C16orf87: variants seen among roughly 807,000 people sequenced by gnomAD.
C16orf87 encodes the protein UPF0547 protein C16orf87.
Under a neutral mutation model 21.0 loss-of-function variants are expected in C16orf87, and 13 were observed. The observed-to-expected ratio is 0.62, with a 90% CI of 0.40 to 0.98. C16orf87 has a LOEUF of 0.98. C16orf87 is among the 50% of genes least tolerant of loss of function. The pLI is 0.00. For synonymous variants in C16orf87, 49 were observed against 60.2 expected (o/e 0.81, Z 0.86); for missense variants, 113 against 180.4 (o/e 0.63, Z 2.14).
chr16:46,828,459 A>G (rs1009900878), intron 1 of C16orf87, among the ~76,000 whole-genome samples: 1 of 152,212 alleles, frequency 6.6e-6, no homozygotes, highest in African/African-American at 2.4e-5. Context: ...GCACTGATGC[A>G]CACAAAATGG....
At chr16:46,827,444 T>C (rs1211755655) in intron 1 of C16orf87, among the ~76,000 whole-genome samples, 1 of 152,220 alleles carries the variant, frequency 6.6e-6, no homozygotes, top group African/African-American at 2.4e-5. Flanking sequence ...ATTCTAATAT[T>C]ACACTTTCAG....
At chr16:46,805,516 G>T (rs1596805049) in intron 3 of C16orf87, among the ~76,000 whole-genome samples, 2 of 152,236 alleles carry the variant, frequency 1.3e-5, no homozygotes, top group African/African-American at 4.8e-5. Flanking sequence ...TTTTGCTAAA[G>T]ATATTAATAG....
chr16:46,811,907 A>C (rs1968096817), intron 2 of C16orf87, among the ~76,000 whole-genome samples: 1 of 152,148 alleles, frequency 6.6e-6, no homozygotes, highest in Non-Finnish European at 1.5e-5. Flanking sequence ...TGGGCCACAT[A>C]GCAAGACCCT....
chr16:46,808,188 G>A (rs982164443), intron 3 of C16orf87: 2 of 433,986 alleles, frequency 4.6e-6, no homozygotes, highest in African/African-American at 4.1e-5. Context: ...CTCTGGAAGA[G>A]CATAATAGAA....
intron 1 of C16orf87, among the ~76,000 whole-genome samples, chr16:46,826,666 T>C (rs1374625816): frequency 6.6e-5 from 10 of 152,116 alleles, no homozygotes; most frequent in Admixed American, 4.6e-4. Flanking sequence ...TCCCTTCAAA[T>C]CACGACAAAA....
rs1016497576 is a variant in C16orf87, at chr16:46,799,279, T to C, written c.*3673A>G. Reference sequence around the variant, plus strand: ...GTTAAGGCAGCACAAAAGAATAATTTAAAAAAATAGTTCCCTAGAAAATAG... The same window carrying C: ...GTTAAGGCAGCACAAAAGAATAATTCAAAAAAATAGTTCCCTAGAAAATAG... On this transcript the variant is annotated 3_prime_UTR_variant, in exon 4 of 4. Coordinates refer to ENST00000285697, the MANE Select transcript of C16orf87 (RefSeq NM_001001436.4). The C allele has an allele frequency of 6.6e-6, 1 of 151,940 alleles. No homozygotes were observed. The highest frequency in any genetic ancestry group is 1.5e-5 in the Non-Finnish European group (1 of 67,992). The allele number at this position is 151,940 out of a possible 1,614,324, so 9.4% of individuals were successfully genotyped here. A position where few individuals can be genotyped will look rare whatever the true frequency, so the allele number is the denominator to read the frequency against.
chr16:46,819,705 T>C (rs1959331195), intron 2 of C16orf87, among the ~76,000 whole-genome samples: 1 of 151,848 alleles, frequency 6.6e-6, no homozygotes, highest in Admixed American at 6.6e-5. Context: ...CCGGGCGCAG[T>C]GGCTCATGCC....
chr16:46,808,776 T>C (rs1967997609), intron 3 of C16orf87, among the ~76,000 whole-genome samples: 1 of 151,936 alleles, frequency 6.6e-6, no homozygotes, highest in Non-Finnish European at 1.5e-5. Context: ...AGTTTTAATG[T>C]CTAAAAACAA....
chr16:46,825,322 G>A (rs1959571135), intron 1 of C16orf87, among the ~76,000 whole-genome samples: 1 of 152,280 alleles, frequency 6.6e-6, no homozygotes, highest in Admixed American at 6.5e-5. Flanking sequence ...ACTGATGACT[G>A]GTGATAAAGT....
At chr16:46,808,001 C>T (rs1457130486) in intron 3 of C16orf87, 1 of 455,398 alleles carries the variant, frequency 2.2e-6, no homozygotes, top group African/African-American at 2.0e-5. Context: ...CAGCTGCATT[C>T]CCTCTATTTC....
intron 2 of C16orf87, among the ~76,000 whole-genome samples, chr16:46,814,105 G>A (rs1968174894): frequency 6.6e-6 from 1 of 152,160 alleles, no homozygotes. Context: ...CAAGAAAAAG[G>A]TACTATTAAT....
At chr16:46,820,552 A>G (rs913991812) in intron 2 of C16orf87, among the ~76,000 whole-genome samples, 1 of 152,218 alleles carries the variant, frequency 6.6e-6, no homozygotes, top group Non-Finnish European at 1.5e-5. Context: ...ACTAGCACAT[A>G]CTATTAACTA....
intron 3 of C16orf87, among the ~76,000 whole-genome samples, chr16:46,806,320 C>T (rs1367264092): frequency 6.7e-6 from 1 of 149,436 alleles, no homozygotes; most frequent in African/African-American, 2.5e-5. Context: ...CACAGTGACG[C>T]GATCTCAGCT....
intron 2 of C16orf87, among the ~76,000 whole-genome samples, chr16:46,821,415 T>C (rs1249985273): frequency 6.6e-6 from 1 of 152,208 alleles, no homozygotes; most frequent in Non-Finnish European, 1.5e-5. Context: ...CTGTGGTTTC[T>C]ATGGCACAGC....
chr16:46,818,847 G>A (rs1959299562), intron 2 of C16orf87, among the ~76,000 whole-genome samples: 2 of 152,144 alleles, frequency 1.3e-5, no homozygotes, highest in Admixed American at 6.5e-5. Flanking sequence ...ACACCACTGA[G>A]GCAGAAAAAT....
chr16:46,809,840 C>G, intron 2 of C16orf87, 55 bp from the exon 3 acceptor site: 1 of 1,123,674 alleles, frequency 8.9e-7, no homozygotes, highest in South Asian at 1.5e-5. Flanking sequence ...ACTGTTTGCC[C>G]AAGTTCTCAT....
chr16:46,797,461 C>CT lies in C16orf87; in HGVS notation c.*5490dup, dbSNP rs1490400539. The stretch of plus-strand genomic sequence containing the variant: ...CTCCTGGGCTCAAGTAATCCTCCCA[C>CT]TTCAGCCTCCTGAGTAGCTGGGACT... On this transcript the variant is annotated 3_prime_UTR_variant, in exon 4 of 4. Transcript: ENST00000285697. 6.6e-6 allele frequency: 1 copy of CT among 152,600 alleles called. No homozygotes were observed. Among genetic ancestry groups the CT allele is most frequent in the East Asian group, 1.9e-4 (1 of 5,220 alleles). The allele number at this position is 152,600 out of a possible 1,614,324, so 9.5% of individuals were successfully genotyped here.
At chr16:46,830,268 C>CAGACAGAGAG (rs1555479543) in intron 1 of C16orf87, among the ~76,000 whole-genome samples, 4 of 59,718 alleles carry the variant, frequency 6.7e-5, no homozygotes, top group Admixed American at 1.9e-4. Flanking sequence ...GAGAGACAGA[C>CAGACAGAGAG]AGAGAGAGAG....
rs1968029545 is a variant in C16orf87, at chr16:46,809,709, A to G, written c.240T>C (p.Asp80=). 2 of 1,608,292 alleles carry G rather than the reference A, an allele frequency of 1.2e-6. No homozygotes were observed. The highest frequency in any genetic ancestry group is 1.7e-6 in the Non-Finnish European group (2 of 1,175,060). ...TTCGAGACCTCTTTCTGTTTTCTAAATCTTTATTTACTGTAGAATTTATCT... is the reference window on the plus strand; with the variant it reads ...TTCGAGACCTCTTTCTGTTTTCTAAGTCTTTATTTACTGTAGAATTTATCT... ...REKINSTVNK[D]LENRKRSRSN... Residue 80 remains aspartate (D), a synonymous_variant, in exon 3 of 4, where the codon GAT becomes GAC. Coordinates refer to ENST00000285697, the MANE Select transcript of C16orf87 (RefSeq NM_001001436.4).
Sources: gnomAD v4.1 joint callset for allele counts (sites outside exome capture counted in the v4.1 genomes callset) on GRCh38, gnomAD v4.1.1 for gene constraint, MANE v1.5 for transcripts, NCBI Gene and HGNC (gene_info 2026-07-23, HGNC 2026-07-21) for gene names.